ZNF148: variants seen among roughly 807,000 people sequenced by gnomAD.
The protein encoded by ZNF148 is Beta-Enolase Repressor Factor-1.
ZNF148 carries 7 observed loss-of-function variants against 67.7 expected under a neutral mutation model. The observed-to-expected ratio is 0.10, with a 90% CI of 0.06 to 0.19. The LOEUF (loss-of-function observed/expected upper bound fraction) is 0.19. ZNF148 is among the 10% of genes least tolerant of loss of function. The probability of loss-of-function intolerance (pLI) is 1.00; values close to 1 mark genes in which losing one functional copy is unlikely to be tolerated. For missense variants in ZNF148, 583 were observed against 947.1 expected (o/e 0.62, Z 5.05); for synonymous variants, 333 against 330.7 (o/e 1.01, Z -0.08).
At chr3:125,280,085 A>T (rs1387339611) in intron 5 of ZNF148, among the ~76,000 whole-genome samples, 3 of 152,206 alleles carry the variant, frequency 2.0e-5, no homozygotes, top group African/African-American at 7.2e-5. Flanking sequence ...TTATTCTAGA[A>T]CTACTAAATT....
At chr3:125,287,191 T>C (rs1030067098) in intron 5 of ZNF148, among the ~76,000 whole-genome samples, 2 of 152,156 alleles carry the variant, frequency 1.3e-5, no homozygotes, top group Non-Finnish European at 2.9e-5. Context: ...AAAAATCATA[T>C]TACAGTATGA....
intron 4 of ZNF148, among the ~76,000 whole-genome samples, chr3:125,296,886 T>G (rs954334314): frequency 6.6e-6 from 1 of 151,958 alleles, no homozygotes; most frequent in African/African-American, 2.4e-5. Context: ...AAATACATTT[T>G]CACAATTTTA....
chr3:125,318,109 T>C (rs1337080124), intron 3 of ZNF148, among the ~76,000 whole-genome samples: 3 of 152,108 alleles, frequency 2.0e-5, no homozygotes, highest in African/African-American at 4.8e-5. Flanking sequence ...GCACCTCCCT[T>C]CTATGCCATT....
chr3:125,360,759 G>A (rs1227078313), intron 1 of ZNF148, among the ~76,000 whole-genome samples: 2 of 150,638 alleles, frequency 1.3e-5, no homozygotes, highest in South Asian at 2.1e-4. Context: ...AGGGAAGATC[G>A]CTTGAGACCA....
intron 7 of ZNF148, among the ~76,000 whole-genome samples, chr3:125,275,849 A>C (rs1169196155): frequency 6.6e-6 from 1 of 152,204 alleles, no homozygotes; most frequent in Non-Finnish European, 1.5e-5. Context: ...TTTCAGATAC[A>C]CACCCACCCA....
intron 1 of ZNF148, chr3:125,344,349 A>C (rs567808347): frequency 2.6e-5 from 15 of 580,068 alleles, no homozygotes; most frequent in Non-Finnish European, 3.8e-5. Flanking sequence ...AAGAAAATCC[A>C]CTTCCAAAAG....
intron 4 of ZNF148, among the ~76,000 whole-genome samples, chr3:125,294,256 A>G (rs1188671354): frequency 6.6e-6 from 1 of 152,246 alleles, no homozygotes; most frequent in African/African-American, 2.4e-5. Context: ...GGTGGCTAAA[A>G]AAACAGGATA....
At chr3:125,234,027 A>G (rs1935972101) in intron 8 of ZNF148, 88 bp from the exon 9 acceptor site, 2 of 1,419,338 alleles carry the variant, frequency 1.4e-6, no homozygotes, top group Non-Finnish European at 1.9e-6. Flanking sequence ...TAATATAAAG[A>G]TATATTAATG....
intron 4 of ZNF148, among the ~76,000 whole-genome samples, chr3:125,288,720 C>G (rs757671581): frequency 6.6e-6 from 1 of 152,018 alleles, no homozygotes; most frequent in Non-Finnish European, 1.5e-5. Context: ...AAAAGAAAGA[C>G]AAATTAACAA....
chr3:125,234,430 A>G (rs1234479354), intron 7 of ZNF148, 101 bp from the exon 8 acceptor site: 1 of 793,552 alleles, frequency 1.3e-6, no homozygotes, highest in African/African-American at 1.7e-5. Context: ...TGAAAGTTGT[A>G]ACTTCCAATT....
intron 7 of ZNF148, among the ~76,000 whole-genome samples, chr3:125,238,648 C>T (rs1936205089): frequency 6.6e-6 from 1 of 152,102 alleles, no homozygotes; most frequent in Non-Finnish European, 1.5e-5. Context: ...AACGCACACA[C>T]AAATGAAATG....
chr3:125,254,774 C>T (rs1936998065), intron 7 of ZNF148, among the ~76,000 whole-genome samples: 2 of 152,020 alleles, frequency 1.3e-5, no homozygotes, highest in South Asian at 4.2e-4. Flanking sequence ...GCATGCCATA[C>T]GGTTCTGTTT....
At chr3:125,256,694 A>G (rs1937094528) in intron 7 of ZNF148, among the ~76,000 whole-genome samples, 1 of 152,190 alleles carries the variant, frequency 6.6e-6, no homozygotes. Flanking sequence ...AAAACAAAAC[A>G]AAACAAAAAA....
chr3:125,279,658 A>T (rs1225910489), intron 5 of ZNF148, among the ~76,000 whole-genome samples: 1 of 152,162 alleles, frequency 6.6e-6, no homozygotes, highest in Non-Finnish European at 1.5e-5. Flanking sequence ...ATCATGGAAA[A>T]TGAATACAAT....
chr3:125,354,989 C>T (rs1942289384), intron 1 of ZNF148, among the ~76,000 whole-genome samples: 1 of 152,146 alleles, frequency 6.6e-6, no homozygotes. Context: ...ATGATTTAAA[C>T]TAAGAAGTAG....
At chr3:125,321,177 A>C (rs573345252) in intron 3 of ZNF148, among the ~76,000 whole-genome samples, 4 of 152,216 alleles carry the variant, frequency 2.6e-5, no homozygotes, top group Non-Finnish European at 5.9e-5. Flanking sequence ...TCTATAAAAC[A>C]TATCTTCTAA....
chr3:125,307,512 G>A (rs966413132), intron 4 of ZNF148, among the ~76,000 whole-genome samples: 9 of 152,076 alleles, frequency 5.9e-5, no homozygotes, highest in African/African-American at 2.2e-4. Context: ...CACCTTGTTA[G>A]CCAGGATTGT....
chr3:125,237,282 T>C (rs991997318), intron 7 of ZNF148, among the ~76,000 whole-genome samples: 3 of 152,060 alleles, frequency 2.0e-5, no homozygotes, highest in Non-Finnish European at 4.4e-5. Flanking sequence ...CGTGCAAATT[T>C]TGAAATAGAG....
intron 7 of ZNF148, among the ~76,000 whole-genome samples, chr3:125,258,844 A>T (rs1206259587): frequency 6.6e-6 from 1 of 152,222 alleles, no homozygotes; most frequent in Non-Finnish European, 1.5e-5. Flanking sequence ...TTTAAAATAT[A>T]TAATAAAACT....
Sources: gnomAD v4.1 joint callset for allele counts (sites outside exome capture counted in the v4.1 genomes callset) on GRCh38, gnomAD v4.1.1 for gene constraint, MANE v1.5 for transcripts, NCBI Gene and HGNC (gene_info 2026-07-23, HGNC 2026-07-21) for gene names.